EFCAB6: variants seen among roughly 807,000 people sequenced by gnomAD.
The protein encoded by EFCAB6 is EF-hand calcium-binding domain-containing protein 6.
Under a neutral mutation model 169.8 loss-of-function variants are expected in EFCAB6, and 156 were observed. The observed-to-expected ratio is 0.92, with a 90% CI of 0.81 to 1.05. EFCAB6 has a LOEUF of 1.05. Among genes scored for constraint, EFCAB6 ranks in the 50% least tolerant of loss-of-function variants. The pLI is 0.00. For synonymous variants in EFCAB6, 698 were observed against 676.4 expected (o/e 1.03, Z -0.50); for missense variants, 1,800 against 1,829.1 (o/e 0.98, Z 0.29).
chr22:43,754,301 G>C (rs2060877760), intron 6 of EFCAB6, among the ~76,000 whole-genome samples: 1 of 152,176 alleles, frequency 6.6e-6, no homozygotes, highest in African/African-American at 2.4e-5. Context: ...CTAATGATGA[G>C]GGCTTGCCTG....
At chr22:43,545,801 C>T (rs979601232) in intron 27 of EFCAB6, among the ~76,000 whole-genome samples, 2 of 152,206 alleles carry the variant, frequency 1.3e-5, no homozygotes, top group Non-Finnish European at 2.9e-5. Flanking sequence ...ACCGAAGCAG[C>T]GTCGGGCTGG....
At chr22:43,539,751 T>C (rs889077820) in intron 28 of EFCAB6, among the ~76,000 whole-genome samples, 3 of 152,180 alleles carry the variant, frequency 2.0e-5, no homozygotes, top group Non-Finnish European at 2.9e-5. Flanking sequence ...GGAAAATGGG[T>C]ATAACTTGCT....
rs551002703 is a variant in EFCAB6 at position 43,633,433 on chromosome 22, A to G, written c.2099-1195T>C. Among the ~76,000 whole-genome samples the G allele has an allele frequency of 4.6e-5, 7 of 152,300 alleles. No homozygotes were observed. In the South Asian group the frequency reaches 1.0e-3, roughly 23 times the overall value. On this transcript the variant is annotated intron_variant, in intron 18 of 31. Coordinates refer to ENST00000262726, the MANE Select transcript of EFCAB6 (RefSeq NM_022785.4). ...TGTGGTGGTGCACGCCTGTAGCCCCAGCTACTTGGGAGGCTGAGGCAGGAG... is the reference window on the plus strand; with the variant it reads ...TGTGGTGGTGCACGCCTGTAGCCCCGGCTACTTGGGAGGCTGAGGCAGGAG...
At chr22:43,770,005 C>T (rs557216373) in intron 4 of EFCAB6, among the ~76,000 whole-genome samples, 73 of 152,164 alleles carry the variant, frequency 4.8e-4, no homozygotes, top group Middle Eastern at 3.4e-3. Flanking sequence ...CAGGCATGTG[C>T]CACCATGTCC....
At chr22:43,632,567 T>C (rs1389094720) in intron 18 of EFCAB6, among the ~76,000 whole-genome samples, 3 of 152,228 alleles carry the variant, frequency 2.0e-5, no homozygotes, top group Non-Finnish European at 4.4e-5. Flanking sequence ...CCCAAAGTGC[T>C]GGGATTATAG....
intron 10 of EFCAB6, among the ~76,000 whole-genome samples, chr22:43,693,987 A>T (rs1005232524): frequency 4.6e-5 from 7 of 152,022 alleles, no homozygotes; most frequent in African/African-American, 1.7e-4. Flanking sequence ...AAATTCTAGA[A>T]GAGAAAAATA....
chr22:43,706,694 G>T (rs144643403), intron 10 of EFCAB6, among the ~76,000 whole-genome samples: 1 of 152,188 alleles, frequency 6.6e-6, no homozygotes, highest in Non-Finnish European at 1.5e-5. Flanking sequence ...CCAATCAAAC[G>T]CAGCTCTTTT....
intron 17 of EFCAB6, among the ~76,000 whole-genome samples, chr22:43,664,208 G>A (rs1470387219): frequency 6.6e-6 from 1 of 152,204 alleles, no homozygotes; most frequent in East Asian, 1.9e-4. Context: ...GGCCCAGACA[G>A]GTGTAGGAAC....
chr22:43,806,264 A>ATT (rs771866108), intron 2 of EFCAB6, among the ~76,000 whole-genome samples: 21 of 143,790 alleles, frequency 1.5e-4, no homozygotes, highest in Non-Finnish European at 1.2e-4. Flanking sequence ...CTGAAATTCA[A>ATT]TTTTTTTTTT....
chr22:43,685,653 C>T (rs945881396), intron 11 of EFCAB6, among the ~76,000 whole-genome samples: 8 of 152,132 alleles, frequency 5.3e-5, no homozygotes, highest in Middle Eastern at 3.2e-3. Context: ...TGACCCATCG[C>T]GGATTTTGAT....
intron 17 of EFCAB6, among the ~76,000 whole-genome samples, chr22:43,644,601 C>T (rs923185092): frequency 1.3e-5 from 2 of 152,220 alleles, no homozygotes; most frequent in African/African-American, 4.8e-5. Flanking sequence ...GACTCTAGGC[C>T]TTCAGCACAG....
intron 24 of EFCAB6, 102 bp from the exon 25 acceptor site, chr22:43,580,761 G>A (rs2050670443): frequency 4.6e-6 from 6 of 1,293,490 alleles, no homozygotes; most frequent in Non-Finnish European, 6.5e-6. Flanking sequence ...TGGGGAAAAT[G>A]AATAATTTTA....
At chr22:43,607,133 G>C (rs2052979158) in intron 22 of EFCAB6, among the ~76,000 whole-genome samples, 1 of 152,194 alleles carries the variant, frequency 6.6e-6, no homozygotes, top group South Asian at 2.1e-4. Flanking sequence ...GCTAGGACCT[G>C]GTAAGGGAGC....
At chr22:43,664,559 A>C (rs2057155807) in intron 17 of EFCAB6, among the ~76,000 whole-genome samples, 1 of 152,214 alleles carries the variant, frequency 6.6e-6, no homozygotes, top group Non-Finnish European at 1.5e-5. Flanking sequence ...TGCAATGGGA[A>C]TGTCAAGGTC....
intron 20 of EFCAB6, among the ~76,000 whole-genome samples, chr22:43,620,364 G>A (rs2157228): frequency 0.29 from 43,461 of 151,784 alleles, 6,798 homozygotes; most frequent in East Asian, 0.62. Flanking sequence ...TGGGAAAAAA[G>A]GCATATTAAA....
chr22:43,772,818 AG>A (rs2061517584), intron 4 of EFCAB6, 73 bp downstream of exon 4: 4 of 1,530,288 alleles, frequency 2.6e-6, no homozygotes, highest in Admixed American at 1.8e-5. Flanking sequence ...AAGACAGGAG[AG>A]GTTACCTGCT....
intron 27 of EFCAB6, chr22:43,552,839 T>C (rs945659654): frequency 3.3e-5 from 5 of 152,208 alleles, no homozygotes; most frequent in Non-Finnish European, 5.9e-5. Context: ...CCTTGATTAC[T>C]TGGCCCCATA....
intron 27 of EFCAB6, among the ~76,000 whole-genome samples, chr22:43,549,400 A>G (rs1412404485): frequency 6.6e-6 from 1 of 152,216 alleles, no homozygotes; most frequent in Non-Finnish European, 1.5e-5. Context: ...ATAACAGTAC[A>G]CTATTAATAA....
At chr22:43,705,904 A>G (rs2058940316) in intron 10 of EFCAB6, among the ~76,000 whole-genome samples, 1 of 152,174 alleles carries the variant, frequency 6.6e-6, no homozygotes, top group South Asian at 2.1e-4. Flanking sequence ...GAAATAAGAT[A>G]CATAGAGACT....
Sources: allele counts gnomAD v4.1 joint callset (sites outside exome capture counted in the v4.1 genomes callset), GRCh38; gene constraint gnomAD v4.1.1; transcripts MANE v1.5; gene names NCBI Gene and HGNC (gene_info 2026-07-23, HGNC 2026-07-21).